MAPT: variants seen among roughly 807,000 people sequenced by gnomAD.
MAPT encodes microtubule-associated protein tau.
MAPT carries 34 observed loss-of-function variants against 67.9 expected under a neutral mutation model. The observed-to-expected ratio is 0.50, with a 90% confidence interval of 0.38 to 0.67. The LOEUF is 0.67. Ranked by LOEUF, MAPT falls within the 30% of genes least tolerant of loss-of-function variation. The pLI, the probability that MAPT is intolerant of heterozygous loss-of-function variation, is 0.00. For missense variants in MAPT, 881 were observed against 1,115.2 expected (o/e 0.79, Z 2.99); for synonymous variants, 456 against 464.5 (o/e 0.98, Z 0.23).
chr17:46,002,845 C>T (rs1387692224), intron 9 of MAPT, among the ~76,000 whole-genome samples: 3 of 152,000 alleles, frequency 2.0e-5, no homozygotes, highest in East Asian at 1.9e-4. Flanking sequence ...TGCAGTGGTG[C>T]GATCATAGCT....
chr17:45,957,032 A>G (rs1437948278), intron 1 of MAPT, among the ~76,000 whole-genome samples: 3 of 151,982 alleles, frequency 2.0e-5, no homozygotes, highest in African/African-American at 7.3e-5. Context: ...AGTCTTTGCT[A>G]TTGTGAATAG....
At position 45,915,303 on chromosome 17, in the gene MAPT, C is replaced by A. The variant is rs1028819868; in HGVS notation, c.-18+20617C>A. On this transcript the variant is annotated intron_variant, in intron 1 of 12. Transcript: ENST00000262410. This position sits in a 1 kb window ranked among gnomAD's most constrained non-coding sequence, Gnocchi z 4.4. ...GGTGTGGGGGTGTGTGCTGTGTGAG[C>A]GTGTGTGAGTCTGTGTGTGTAGTGT... 6.8e-6 allele frequency among the ~76,000 whole-genome samples: 1 copy of A among 147,240 alleles called. No homozygotes were observed.
chr17:45,905,176 C>G (rs1323785561), intron 1 of MAPT, among the ~76,000 whole-genome samples: 1 of 152,172 alleles, frequency 6.6e-6, no homozygotes, highest in Non-Finnish European at 1.5e-5. Flanking sequence ...TCCCTAAATC[C>G]GCTTGAATAA....
intron 12 of MAPT, among the ~76,000 whole-genome samples, chr17:46,023,408 T>C (rs935005029): frequency 6.6e-6 from 1 of 152,246 alleles, no homozygotes; most frequent in Non-Finnish European, 1.5e-5. Context: ...CACACGTGTT[T>C]GTTTATGTGT....
At chr17:45,994,550 C>CA (rs753605921) in intron 8 of MAPT, among the ~76,000 whole-genome samples, 2 of 152,140 alleles carry the variant, frequency 1.3e-5, no homozygotes, top group African/African-American at 2.4e-5. Context: ...CCGCAGGGCA[C>CA]GGTGGCTCAC....
intron 12 of MAPT, among the ~76,000 whole-genome samples, chr17:46,019,815 C>T (rs540383921): frequency 2.0e-5 from 3 of 151,336 alleles, no homozygotes; most frequent in East Asian, 2.0e-4. Flanking sequence ...AGTTCAAGAC[C>T]AGCCTGGCCA....
chr17:46,018,976 C>T (rs546903811), intron 12 of MAPT, among the ~76,000 whole-genome samples: 10 of 152,156 alleles, frequency 6.6e-5, no homozygotes, highest in East Asian at 5.8e-4. Flanking sequence ...AGGGGCAGCT[C>T]GGTTGCTGGA....
At chr17:45,933,707 G>A (rs17650258) in intron 1 of MAPT, among the ~76,000 whole-genome samples, 21,814 of 152,098 alleles carry the variant, frequency 0.14, 2,132 homozygotes, top group Middle Eastern at 0.22. Flanking sequence ...CCAGTGCCAC[G>A]CGATGCCATT....
intron 8 of MAPT, among the ~76,000 whole-genome samples, chr17:45,993,023 A>AG (rs1439299918): frequency 6.6e-6 from 1 of 151,868 alleles, no homozygotes; most frequent in Non-Finnish European, 1.5e-5. Context: ...TGCACCATGT[A>AG]GGGGTGTCTG....
Position 45,990,061 on chromosome 17 carries a change from G to A in MAPT, c.1591G>A (p.Glu531Lys). 1.2e-6 allele frequency: 2 copies of A among 1,614,164 alleles called. No individual in the cohort carries two copies. The highest frequency in any genetic ancestry group is 1.7e-6 in the Non-Finnish European group (2 of 1,180,034). ...TSRTGSSGAK[E>K]MKLKGADGKT... is the part of the protein sequence containing the mutation. Reference sequence around the variant, plus strand: ...CCGAACTGGCAGTTCTGGAGCAAAGGAGATGAAACTCAAGGTAAGGAAACC... The same window carrying A: ...CCGAACTGGCAGTTCTGGAGCAAAGAAGATGAAACTCAAGGTAAGGAAACC... The change falls in exon 7 of 13, where the codon GAG (glutamate) becomes AAG (lysine). Residue 531 changes from glutamate to lysine, a missense_variant. Glu to Lys is a moderately conservative substitution (Grantham distance 56). Transcript: ENST00000262410.
intron 2 of MAPT, among the ~76,000 whole-genome samples, chr17:45,964,120 G>A (rs1484715409): frequency 2.0e-5 from 3 of 152,178 alleles, no homozygotes; most frequent in Non-Finnish European, 4.4e-5. Flanking sequence ...GCTCCAGCCA[G>A]TGCTGCCAGA....
At chr17:45,903,820 ATATAT>A (rs1394359709) in intron 1 of MAPT, among the ~76,000 whole-genome samples, 8 of 1,488 alleles carry the variant, frequency 5.4e-3, no homozygotes, top group Non-Finnish European at 8.9e-3. Context: ...TAATATATAA[ATATAT>A]TATATATTAT....
chr17:45,902,132 T>C (rs1443197253), intron 1 of MAPT, among the ~76,000 whole-genome samples: 1 of 152,140 alleles, frequency 6.6e-6, no homozygotes, highest in Non-Finnish European at 1.5e-5. Flanking sequence ...TTAAGTGCAA[T>C]GGCGCGATCT....
At chr17:45,952,094 T>C (rs2069142828) in intron 1 of MAPT, among the ~76,000 whole-genome samples, 1 of 152,232 alleles carries the variant, frequency 6.6e-6, no homozygotes. Context: ...GATCTGTGGG[T>C]GATGACACGT....
intron 1 of MAPT, among the ~76,000 whole-genome samples, chr17:45,952,279 G>A (rs1217636124): frequency 6.6e-6 from 1 of 152,146 alleles, no homozygotes; most frequent in Non-Finnish European, 1.5e-5. Flanking sequence ...GGAGGAGGTG[G>A]GCAGCAGGGG....
At chr17:45,975,991 TCTG>T (rs556820440) in intron 3 of MAPT, 13 of 152,262 alleles carry the variant, frequency 8.5e-5, no homozygotes, top group Non-Finnish European at 1.6e-4. Context: ...GAAGAGCCCT[TCTG>T]CTGCGCTGGA....
chr17:45,922,858 A>C (rs538128182), intron 1 of MAPT, among the ~76,000 whole-genome samples: 58 of 152,234 alleles, frequency 3.8e-4, no homozygotes, highest in Non-Finnish European at 7.2e-4. Context: ...CTCAGTCTCA[A>C]ATCCTGAATA....
At chr17:45,984,693 C>G (rs947680334) in intron 5 of MAPT, among the ~76,000 whole-genome samples, 1 of 152,180 alleles carries the variant, frequency 6.6e-6, no homozygotes, top group Non-Finnish European at 1.5e-5. Flanking sequence ...CAAGGGGATC[C>G]TCATGCTGGC....
chr17:46,003,909 G>A (rs753483770), intron 9 of MAPT, among the ~76,000 whole-genome samples: 19 of 152,238 alleles, frequency 1.2e-4, no homozygotes, highest in Non-Finnish European at 2.5e-4. Flanking sequence ...AAAGGACAGT[G>A]TAAATAATTC....
Sources: gnomAD v4.1 joint callset for allele counts (sites outside exome capture counted in the v4.1 genomes callset) on GRCh38, gnomAD v4.1.1 for gene constraint, Gnocchi (gnomAD v3.1) non-coding constraint, MANE v1.5 for transcripts, NCBI Gene and HGNC (gene_info 2026-07-23, HGNC 2026-07-21) for gene names.